SLC9A9: variants seen among roughly 807,000 people sequenced by gnomAD.
SLC9A9 encodes the protein sodium/hydrogen exchanger 9.
SLC9A9 carries 62 observed loss-of-function variants against 77.8 expected under a neutral mutation model. The ratio of observed to expected loss-of-function variants is 0.80; its 90% CI spans 0.65 to 0.98. The LOEUF (loss-of-function observed/expected upper bound fraction) is 0.98, where lower values mean the gene tolerates loss of function less well. Ranked by LOEUF, SLC9A9 falls within the 50% of genes least tolerant of loss-of-function variation. The pLI is 0.00. For synonymous variants in SLC9A9, 320 were observed against 283.5 expected (o/e 1.13, Z -1.29); for missense variants, 775 against 774.9 (o/e 1.00, Z 0.00).
chr3:143,673,906 T>G lies in SLC9A9; in HGVS notation c.649+19286A>C, dbSNP rs551610279. 3.9e-5 allele frequency among the ~76,000 whole-genome samples: 6 copies of G among 152,234 alleles called. No homozygotes were observed. The South Asian group carries it at 1.0e-3, about 26-fold the overall frequency. ...TTACATTTGAGATTTACCGTGGAAGTGGATGGACAAGTAATGAAAACATAA... is the reference window on the plus strand; with the variant it reads ...TTACATTTGAGATTTACCGTGGAAGGGGATGGACAAGTAATGAAAACATAA... On this transcript the variant is annotated intron_variant, in intron 5 of 15. Coordinates refer to ENST00000316549, the MANE Select transcript of SLC9A9 (RefSeq NM_173653.4).
In SLC9A9 at chr3:143,844,761, CT is replaced by C. The variant is rs1276569707; in HGVS notation, c.175+3386del. 3.8e-4 allele frequency among the ~76,000 whole-genome samples: 56 copies of C among 147,388 alleles called. 1 individual carries two copies. Among genetic ancestry groups the C allele is most frequent in the African/African-American group, 1.4e-3 (56 of 39,496 alleles). ...TCTTTCTTTCTTTCTTTCTTTCTTT[CT>C]TTCTTTCTTTCTTTCTTTCTTTCTT... On this transcript the variant is annotated intron_variant, in intron 1 of 15. Coordinates refer to ENST00000316549, the MANE Select transcript of SLC9A9 (RefSeq NM_173653.4).
intron 9 of SLC9A9, among the ~76,000 whole-genome samples, chr3:143,504,922 T>C (rs1012316267): frequency 8.5e-5 from 13 of 152,192 alleles, no homozygotes; most frequent in Non-Finnish European, 1.5e-5. Context: ...CCCCATTGTA[T>C]ACGATTCAGG....
chr3:143,687,565 C>G (rs1231465362), intron 5 of SLC9A9, among the ~76,000 whole-genome samples: 1 of 152,024 alleles, frequency 6.6e-6, no homozygotes, highest in African/African-American at 2.4e-5. Flanking sequence ...AGGTTGGAAC[C>G]TCAGAATATA....
At chr3:143,461,273 A>T (rs1440130281) in intron 12 of SLC9A9, among the ~76,000 whole-genome samples, 1 of 152,198 alleles carries the variant, frequency 6.6e-6, no homozygotes, top group Non-Finnish European at 1.5e-5. Context: ...TTAAATGCAG[A>T]AATAGGAGTT....
intron 6 of SLC9A9, among the ~76,000 whole-genome samples, chr3:143,614,759 T>G (rs1330319340): frequency 6.6e-6 from 1 of 152,202 alleles, no homozygotes; most frequent in Non-Finnish European, 1.5e-5. Flanking sequence ...TGGTAACCTT[T>G]TATGTATCAG....
intron 14 of SLC9A9, among the ~76,000 whole-genome samples, chr3:143,358,789 T>C (rs1576446887): frequency 6.6e-6 from 1 of 152,236 alleles, no homozygotes; most frequent in East Asian, 1.9e-4. Flanking sequence ...TAGGTGGCTT[T>C]ACAATTTTGA....
intron 1 of SLC9A9, among the ~76,000 whole-genome samples, chr3:143,839,624 A>G (rs1469585403): frequency 6.6e-6 from 1 of 152,134 alleles, no homozygotes; most frequent in African/African-American, 2.4e-5. Context: ...CAAACACAAC[A>G]CATACACATA....
At chr3:143,395,881 A>T (rs1042810794) in intron 12 of SLC9A9, among the ~76,000 whole-genome samples, 4 of 152,244 alleles carry the variant, frequency 2.6e-5, no homozygotes, top group African/African-American at 9.6e-5. Context: ...GAGAAATGCA[A>T]ATCAAAACCA....
intron 4 of SLC9A9, among the ~76,000 whole-genome samples, chr3:143,726,612 G>A (rs1934662482): frequency 1.3e-5 from 2 of 152,160 alleles, no homozygotes; most frequent in South Asian, 4.1e-4. Context: ...TAAGCTACTT[G>A]TCCATGAATA....
intron 2 of SLC9A9, among the ~76,000 whole-genome samples, chr3:143,827,438 C>G (rs1366622279): frequency 6.6e-6 from 1 of 152,112 alleles, no homozygotes; most frequent in Non-Finnish European, 1.5e-5. Flanking sequence ...ACACTTTTAT[C>G]TGTGTTGAGC....
intron 14 of SLC9A9, among the ~76,000 whole-genome samples, chr3:143,330,428 G>T (rs2031734955): frequency 6.6e-6 from 1 of 152,200 alleles, no homozygotes; most frequent in South Asian, 2.1e-4. Flanking sequence ...GATCTGAATT[G>T]TGGAATAAAT....
chr3:143,327,604 T>TC (rs2031643515), intron 14 of SLC9A9, among the ~76,000 whole-genome samples: 1 of 152,164 alleles, frequency 6.6e-6, no homozygotes, highest in South Asian at 2.1e-4. Context: ...CTTAGCCCTC[T>TC]CCCCTTCCCT....
chr3:143,467,264 A>G (rs2035297940), intron 11 of SLC9A9, 74 bp from the exon 12 acceptor site: 13 of 1,559,832 alleles, frequency 8.3e-6, no homozygotes, highest in Non-Finnish European at 1.1e-5. Context: ...TCATCTTTAC[A>G]ATTTGCTGAC....
At chr3:143,545,393 A>G (rs565409039) in intron 9 of SLC9A9, among the ~76,000 whole-genome samples, 1 of 152,326 alleles carries the variant, frequency 6.6e-6, no homozygotes, top group South Asian at 2.1e-4. Flanking sequence ...GCATGCATGC[A>G]TATGCATATG....
At chr3:143,832,259 G>A (rs1410291317) in intron 1 of SLC9A9, 38 bp from the exon 2 acceptor site, 1 of 1,562,200 alleles carries the variant, frequency 6.4e-7, no homozygotes. Flanking sequence ...CTGGAGGAAG[G>A]CAATCTAAAA....
rs550891737 is a variant in SLC9A9, at chr3:143,332,721, TAGAC to T, written c.1604+30759_1604+30762del. On this transcript the variant is annotated intron_variant, in intron 14 of 15. Transcript: ENST00000316549. Reference sequence around the variant, plus strand: ...TCTGATCATGGAAACATTTATTTATTAGACAGAAGAGGTTTTATCTCTTTTAATG... The same window carrying T: ...TCTGATCATGGAAACATTTATTTATTAGAAGAGGTTTTATCTCTTTTAATG... 7.7e-4 allele frequency among the ~76,000 whole-genome samples: 117 copies of T among 152,366 alleles called. 1 individual carries two copies. The South Asian group carries it at 0.013, about 18-fold the overall frequency.
chr3:143,525,993 C>T (rs761003731), intron 9 of SLC9A9, among the ~76,000 whole-genome samples: 1 of 152,146 alleles, frequency 6.6e-6, no homozygotes, highest in South Asian at 2.1e-4. Context: ...ACAGTGGTTG[C>T]CTTTAGGCAA....
At chr3:143,338,657 A>G (rs913552367) in intron 14 of SLC9A9, among the ~76,000 whole-genome samples, 3 of 152,296 alleles carry the variant, frequency 2.0e-5, no homozygotes, top group Admixed American at 6.5e-5. Context: ...TGGGTAGAGG[A>G]AAAGAATCAG....
Position 143,341,562 on chromosome 3 carries a change from C to A in SLC9A9, c.1604+21922G>T, listed in dbSNP as rs555761968. Among the ~76,000 whole-genome samples, 50 of 152,198 alleles carry A rather than the reference C, an allele frequency of 3.3e-4. 1 individual carries two copies. The highest frequency in any genetic ancestry group is 1.2e-3 in the Admixed American group (18 of 15,288). ...GCTTGCCACGGTAGGAAAAGCTGTG[C>A]CAAATGTTTGAGGAGAAATGTGGAG... On this transcript the variant is annotated intron_variant, in intron 14 of 15. Transcript: ENST00000316549.
Sources: allele counts gnomAD v4.1 joint callset (sites outside exome capture counted in the v4.1 genomes callset), GRCh38; gene constraint gnomAD v4.1.1; transcripts MANE v1.5; gene names NCBI Gene and HGNC (gene_info 2026-07-23, HGNC 2026-07-21).